Variants in SNAP91 observed in about 807,000 individuals in gnomAD.
SNAP91 encodes clathrin coat assembly protein AP180.
Under a neutral mutation model 100.3 loss-of-function variants are expected in SNAP91, and 27 were observed. The observed-to-expected ratio is 0.27, with a 90% CI of 0.20 to 0.37. The LOEUF (loss-of-function observed/expected upper bound fraction) is 0.37. Among genes scored for constraint, SNAP91 ranks in the 10% least tolerant of loss-of-function variants. The pLI, the probability that SNAP91 is intolerant of heterozygous loss-of-function variation, is 1.00. For missense variants in SNAP91, 986 were observed against 1,123.7 expected (o/e 0.88, Z 1.75); for synonymous variants, 404 against 398.6 (o/e 1.01, Z -0.16).
intron 6 of SNAP91, 33 bp downstream of exon 6, chr6:83,658,966 T>G: frequency 1.4e-6 from 2 of 1,465,546 alleles, no homozygotes; most frequent in Non-Finnish European, 1.9e-6. Context: ...CAACATTGAT[T>G]GTGTATGAAA....
intron 2 of SNAP91, among the ~76,000 whole-genome samples, chr6:83,666,600 T>C (rs2098691186): frequency 6.6e-6 from 1 of 152,144 alleles, no homozygotes; most frequent in African/African-American, 2.4e-5. Flanking sequence ...ATGCATTGCA[T>C]TTCTCTTCAC....
At chr6:83,698,169 G>A (rs1341836073) in intron 2 of SNAP91, among the ~76,000 whole-genome samples, 1 of 152,076 alleles carries the variant, frequency 6.6e-6, no homozygotes, top group Non-Finnish European at 1.5e-5. Flanking sequence ...GTGTGTGTGT[G>A]TAGGCAAAAA....
chr6:83,587,542 C>G (rs945969554), intron 22 of SNAP91, among the ~76,000 whole-genome samples: 2 of 151,986 alleles, frequency 1.3e-5, no homozygotes, highest in Admixed American at 6.6e-5. Context: ...GTGGACTTAG[C>G]TGATCCCTCC....
At chr6:83,655,432 G>C (rs1281441133) in intron 7 of SNAP91, among the ~76,000 whole-genome samples, 1 of 152,178 alleles carries the variant, frequency 6.6e-6, no homozygotes. Context: ...GGTACTTAAA[G>C]TGTGTACAGC....
intron 23 of SNAP91, among the ~76,000 whole-genome samples, chr6:83,581,464 A>G (rs1828376922): frequency 6.6e-6 from 1 of 152,258 alleles, no homozygotes; most frequent in Non-Finnish European, 1.5e-5. Context: ...GCAGACACAT[A>G]GCATTTGCAT....
At position 83,574,992 on chromosome 6, in the gene SNAP91, G is replaced by A. The variant is rs755992391; in HGVS notation, c.2442+18C>T. ...TGGCAAACTGCCTGCGCTGCCCTGG[G>A]CTCTGATTGCTACATACCAAAGGTG... On this transcript the variant is annotated intron_variant, in intron 26 of 29. Transcript: ENST00000369694. The A allele has an allele frequency of 1.3e-6, 2 of 1,525,356 alleles. No individual in the cohort carries two copies. The highest frequency in any genetic ancestry group is 9.0e-7 in the Non-Finnish European group (1 of 1,114,458). The allele number at this position is 1,525,356 out of a possible 1,614,324, so 94.5% of individuals were successfully genotyped here. A position where few individuals can be genotyped will look rare whatever the true frequency, so the allele number is the denominator to read the frequency against.
At chr6:83,691,775 C>T (rs1013848005) in intron 2 of SNAP91, among the ~76,000 whole-genome samples, 5 of 151,982 alleles carry the variant, frequency 3.3e-5, no homozygotes, top group African/African-American at 4.8e-5. Context: ...CAATAATCTT[C>T]GTTAACAAAA....
intron 21 of SNAP91, 109 bp downstream of exon 21, chr6:83,592,346 G>T (rs982528995): frequency 2.8e-6 from 2 of 720,658 alleles, no homozygotes; most frequent in South Asian, 2.9e-5. Flanking sequence ...TTAAGAGACA[G>T]AATTTTATAT....
In SNAP91 at chr6:83,664,705, T is replaced by C. The variant is rs1044387657; in HGVS notation, c.273+734A>G. Among the ~76,000 whole-genome samples, 10 of 152,088 alleles carry C rather than the reference T, an allele frequency of 6.6e-5. No individual in the cohort carries two copies. The South Asian group carries it at 1.4e-3, about 22-fold the overall frequency. On this transcript the variant is annotated intron_variant, in intron 3 of 29. Transcript: ENST00000369694. ...ATTGTTGAAATAACAACAAAGGATA[T>C]AGAAATTACATAAACAGCTGATAAA...
chr6:83,659,166 G>T, intron 5 of SNAP91, 74 bp from the exon 6 acceptor site: 1 of 1,163,642 alleles, frequency 8.6e-7, no homozygotes, highest in Non-Finnish European at 1.2e-6. Context: ...ATTGTTCTAA[G>T]CTGTTCCCCC....
intron 7 of SNAP91, among the ~76,000 whole-genome samples, chr6:83,643,767 T>C (rs902502116): frequency 1.4e-4 from 22 of 152,214 alleles, no homozygotes; most frequent in Non-Finnish European, 2.8e-4. Flanking sequence ...TTGGGTAATT[T>C]TAACTTTTTA....
chr6:83,585,929 C>T (rs1028488590), intron 22 of SNAP91, among the ~76,000 whole-genome samples: 1 of 151,030 alleles, frequency 6.6e-6, no homozygotes, highest in African/African-American at 2.4e-5. Context: ...TGGCTCACTG[C>T]AATCTCTGCC....
chr6:83,669,466 T>C (rs1367168872), intron 2 of SNAP91, among the ~76,000 whole-genome samples: 1 of 151,956 alleles, frequency 6.6e-6, no homozygotes, highest in Non-Finnish European at 1.5e-5. Flanking sequence ...TGGTATCTTT[T>C]TGGTAGTTTA....
intron 2 of SNAP91, chr6:83,690,307 T>C: frequency 8.1e-7 from 1 of 1,238,448 alleles, no homozygotes; most frequent in Non-Finnish European, 1.0e-6. Flanking sequence ...TCTGAAGTAT[T>C]TCTCCTTTAG....
At chr6:83,644,423 C>A (rs373954650) in intron 7 of SNAP91, among the ~76,000 whole-genome samples, 17 of 152,152 alleles carry the variant, frequency 1.1e-4, no homozygotes, top group African/African-American at 4.1e-4. Flanking sequence ...CAGTGCAGGG[C>A]CTAAAAAAAC....
intron 12 of SNAP91, among the ~76,000 whole-genome samples, chr6:83,610,415 A>G (rs1208665272): frequency 2.0e-5 from 3 of 151,586 alleles, no homozygotes; most frequent in African/African-American, 4.8e-5. Flanking sequence ...AAATTCATAG[A>G]GACAGAAAGT....
intron 7 of SNAP91, among the ~76,000 whole-genome samples, chr6:83,645,241 C>A (rs1381969183): frequency 6.6e-6 from 1 of 151,932 alleles, no homozygotes; most frequent in Non-Finnish European, 1.5e-5. Flanking sequence ...AGGGATATAT[C>A]CTGACTTTTT....
intron 2 of SNAP91, among the ~76,000 whole-genome samples, chr6:83,671,694 T>C (rs549194775): frequency 6.6e-6 from 1 of 152,094 alleles, no homozygotes; most frequent in Non-Finnish European, 1.5e-5. Flanking sequence ...GAAATAGGTA[T>C]AAGCAGAAAG....
intron 7 of SNAP91, among the ~76,000 whole-genome samples, chr6:83,651,178 A>T (rs920023326): frequency 5.3e-5 from 8 of 151,570 alleles, no homozygotes; most frequent in Admixed American, 1.3e-4. Flanking sequence ...TATTGATTTT[A>T]TTGATCTTTT....
Sources: allele counts gnomAD v4.1 joint callset (sites outside exome capture counted in the v4.1 genomes callset), GRCh38; gene constraint gnomAD v4.1.1; transcripts MANE v1.5; gene names NCBI Gene and HGNC (gene_info 2026-07-23, HGNC 2026-07-21).